Variants in DYNC1H1 observed in about 807,000 individuals in gnomAD.
DYNC1H1 encodes the protein cytoplasmic dynein 1 heavy chain 1.
DYNC1H1 carries 51 observed loss-of-function variants against 527.1 expected under a neutral mutation model. The observed-to-expected ratio is 0.10, with a 90% CI of 0.08 to 0.12. The LOEUF (loss-of-function observed/expected upper bound fraction) is 0.12, where lower values mean the gene tolerates loss of function less well. Among genes scored for constraint, DYNC1H1 ranks in the 10% least tolerant of loss-of-function variants. The pLI, the probability that DYNC1H1 is intolerant of heterozygous loss-of-function variation, is 1.00. For missense variants in DYNC1H1, 2,771 were observed against 5,971.8 expected (o/e 0.46, Z 17.66); for synonymous variants, 2,189 against 2,278.8 (o/e 0.96, Z 1.12).
rs537629716 is a variant in DYNC1H1 at position 102,041,032 on chromosome 14, G to T, written c.11941+359G>T. On this transcript the variant is annotated intron_variant, in intron 64 of 77. Coordinates refer to ENST00000360184, the MANE Select transcript of DYNC1H1 (RefSeq NM_001376.5). This position sits in a 1 kb window ranked among gnomAD's most constrained non-coding sequence, Gnocchi z 4.5. ...TTTAAGGAAACCACTTAGGGAGATC[G>T]CTTCTAGGTAGGTGTTGGCTTAGAA... 5.3e-6 allele frequency: 2 copies of T among 379,536 alleles called. No individual in the cohort carries two copies. Among genetic ancestry groups the T allele is most frequent in the Non-Finnish European group, 5.0e-6 (1 of 199,384 alleles). 23.5% of individuals were successfully genotyped at this position (379,536 alleles called of 1,614,324 possible). A position where few individuals can be genotyped will look rare whatever the true frequency, so the allele number is the denominator to read the frequency against.
chr14:102,010,510 A>G lies in DYNC1H1; in HGVS notation c.6405+51A>G. The G allele has an allele frequency of 6.3e-7, 1 of 1,597,820 alleles. No individual in the cohort carries two copies. On this transcript the variant is annotated intron_variant, in intron 31 of 77. Coordinates refer to ENST00000360184, the MANE Select transcript of DYNC1H1 (RefSeq NM_001376.5). This position sits in a 1 kb window ranked among gnomAD's most constrained non-coding sequence, Gnocchi z 6.0. ...CAAACCTTATACGTTATTTAAATTT[A>G]CCTTTTTAACATTTAAGCCATGACT... is the stretch of plus-strand genomic sequence containing the variant.
At position 101,985,127 on chromosome 14, in the gene DYNC1H1, G is replaced by T. The variant is rs1294138377; in HGVS notation, c.1462-560G>T. Among the ~76,000 whole-genome samples, 1 of 151,756 alleles carries T rather than the reference G, an allele frequency of 6.6e-6. No individual in the cohort carries two copies. The highest frequency in any genetic ancestry group is 2.4e-5 in the African/African-American group (1 of 41,296). On this transcript the variant is annotated intron_variant, in intron 7 of 77. Coordinates refer to ENST00000360184, the MANE Select transcript of DYNC1H1 (RefSeq NM_001376.5). The surrounding 1 kb of genome is among the most constrained non-coding windows in gnomAD (Gnocchi z 5.9). ...CTTCCTCCATCTTGGAAGGACCCTA[G>T]AGCCAGACTTCCTGGGTTTTAAATC...
In DYNC1H1 at chr14:102,018,303, C is replaced by G; in HGVS notation, c.8178-148C>G. Reference sequence around the variant, plus strand: ...CAAGCCTGAGCAGCGTGTGTGTGATCTCAGCTAACACTGATGTCAAGTCTG... The same window carrying G: ...CAAGCCTGAGCAGCGTGTGTGTGATGTCAGCTAACACTGATGTCAAGTCTG... On this transcript the variant is annotated intron_variant, in intron 40 of 77. Transcript: ENST00000360184. This position sits in a 1 kb window ranked among gnomAD's most constrained non-coding sequence, Gnocchi z 5.2. 1.8e-6 allele frequency: 2 copies of G among 1,117,538 alleles called. No homozygotes were observed. The highest frequency in any genetic ancestry group is 2.5e-6 in the Non-Finnish European group (2 of 786,382). 69.2% of individuals were successfully genotyped at this position (1,117,538 alleles called of 1,614,324 possible).
In DYNC1H1 at chr14:101,994,228, G is replaced by A; in HGVS notation, c.3060G>A (p.Arg1020=). 1 of 1,614,212 alleles carries A rather than the reference G, an allele frequency of 6.2e-7. No individual in the cohort carries two copies. The highest frequency in any genetic ancestry group is 8.5e-7 in the Non-Finnish European group (1 of 1,180,036). The change falls in exon 12 of 78, where the codon CGG becomes CGA. Residue 1020 remains arginine (R), a synonymous_variant. Coordinates refer to ENST00000360184, the MANE Select transcript of DYNC1H1 (RefSeq NM_001376.5). ...TGACTGAGGAAGAGAAATTCTATCGGAATGCTTTAACACGGATGCCTGATG... is the reference window on the plus strand; with the variant it reads ...TGACTGAGGAAGAGAAATTCTATCGAAATGCTTTAACACGGATGCCTGATG... ...YELTEEEKFY[R]NALTRMPDGP...
rs1351714097 is a variant in DYNC1H1, at chr14:102,017,267, C to G, written c.8028C>G (p.Thr2676=). 1 of 1,614,078 alleles carries G rather than the reference C, an allele frequency of 6.2e-7. No individual in the cohort carries two copies. Among genetic ancestry groups the G allele is most frequent in the Admixed American group, 1.7e-5 (1 of 60,000 alleles). Residue 2676 remains threonine (T), a synonymous_variant, in exon 39 of 78, where the codon ACC becomes ACG. Transcript: ENST00000360184. The surrounding 1 kb of genome is among the most constrained non-coding windows in gnomAD (Gnocchi z 4.6). ...TGCCAGATATGGATAAATATGGGAC[C>G]CAGAGGGTCATATCCTTCATCAGAC... ...INLPDMDKYG[T]QRVISFIRQM...
rs180670827 is a variant in DYNC1H1 at position 102,020,695 on chromosome 14, C to T, written c.8507+639C>T. The stretch of plus-strand genomic sequence containing the variant: ...AAAAAATTGCTAACGGATGACTGAT[C>T]GGCATCAACTGTGGAAGGTTTTGTG... On this transcript the variant is annotated intron_variant, in intron 42 of 77. Coordinates refer to ENST00000360184, the MANE Select transcript of DYNC1H1 (RefSeq NM_001376.5). This position sits in a 1 kb window ranked among gnomAD's most constrained non-coding sequence, Gnocchi z 4.3. Among the ~76,000 whole-genome samples, 77 of 152,274 alleles carry T rather than the reference C, an allele frequency of 5.1e-4. No individual in the cohort carries two copies. The highest frequency in any genetic ancestry group is 9.4e-4 in the Non-Finnish European group (64 of 68,028).
intron 74 of DYNC1H1, 33 bp downstream of exon 74, chr14:102,048,702 C>G: frequency 6.2e-7 from 1 of 1,604,414 alleles, no homozygotes; most frequent in Non-Finnish European, 8.5e-7. Context: ...GGTGTGGCTT[C>G]CGGCGGGCAC....
At chr14:102,024,692 CTTTTTTTT>C (rs541855664) in intron 43 of DYNC1H1, among the ~76,000 whole-genome samples, 2 of 109,512 alleles carry the variant, frequency 1.8e-5, no homozygotes, top group Non-Finnish European at 3.5e-5. Flanking sequence ...TTTTTTAACT[CTTTTTTTT>C]TTTTTTTTTT....
chr14:102,044,454 G>A lies in DYNC1H1; in HGVS notation c.12865G>A (p.Asp4289Asn), dbSNP rs368476290. 6.2e-6 allele frequency: 10 copies of A among 1,614,092 alleles called. No individual in the cohort carries two copies. Among genetic ancestry groups the A allele is most frequent in the African/African-American group, 4.0e-5 (3 of 74,944 alleles). Residue 4289 changes from aspartate (D) to asparagine (N), a missense_variant, in exon 71 of 78, where the codon GAC (aspartate) becomes AAC (asparagine). Around this residue, in one of 32 missense-constraint regions of DYNC1H1, gnomAD observed 195 missense variants for 428.6 expected, o/e 0.45. Coordinates refer to ENST00000360184, the MANE Select transcript of DYNC1H1 (RefSeq NM_001376.5). The surrounding 1 kb of genome is among the most constrained non-coding windows in gnomAD (Gnocchi z 7.1). ...DSEFKLACKVDGHKDIQMPDG... is the reference protein window; with the variant it reads ...DSEFKLACKVNGHKDIQMPDG... Reference sequence around the variant, plus strand: ...TGAGTTTAAGCTGGCATGCAAGGTCGACGGACATAAAGACATTCAAATGCC... The same window carrying A: ...TGAGTTTAAGCTGGCATGCAAGGTCAACGGACATAAAGACATTCAAATGCC...
chr14:102,024,692 CTT>C (rs541855664), intron 43 of DYNC1H1, among the ~76,000 whole-genome samples: 18,185 of 108,932 alleles, frequency 0.17, 1,536 homozygotes, highest in African/African-American at 0.34. Context: ...TTTTTTAACT[CTT>C]TTTTTTTTTT....
intron 1 of DYNC1H1, among the ~76,000 whole-genome samples, chr14:101,967,808 A>G (rs901220061): frequency 6.6e-6 from 1 of 152,230 alleles, no homozygotes; most frequent in African/African-American, 2.4e-5. Flanking sequence ...GCCTGGGTAC[A>G]GAGTGAGACC....
At chr14:102,031,654 A>T (rs2048511971) in intron 51 of DYNC1H1, among the ~76,000 whole-genome samples, 1 of 151,688 alleles carries the variant, frequency 6.6e-6, no homozygotes, top group South Asian at 2.1e-4. Context: ...TTTGTAAAAT[A>T]TTTTTTTAAA....
chr14:102,037,804 T>A (rs2048595422), intron 57 of DYNC1H1: 1 of 154,422 alleles, frequency 6.5e-6, no homozygotes, highest in Non-Finnish European at 1.4e-5. Flanking sequence ...GCATCAGATT[T>A]GCAACGAGAT....
chr14:101,970,467 G>GTT (rs1369451236), intron 1 of DYNC1H1, among the ~76,000 whole-genome samples: 4 of 103,570 alleles, frequency 3.9e-5, no homozygotes, highest in Admixed American at 9.4e-5. Context: ...TGTTTGGTTT[G>GTT]TTGTTGTTTT....
At position 102,015,445 on chromosome 14, in the gene DYNC1H1, C is replaced by T. The variant is rs541653589; in HGVS notation, c.7242+113C>T. On this transcript the variant is annotated intron_variant, in intron 35 of 77. Coordinates refer to ENST00000360184, the MANE Select transcript of DYNC1H1 (RefSeq NM_001376.5). This position sits in a 1 kb window ranked among gnomAD's most constrained non-coding sequence, Gnocchi z 6.9. ...GAACTCCTGGGCCCAAGCAATCCAC[C>T]TGCCTTGGCCTCTCAAAGTGCTGGG... 4 of 1,232,472 alleles carry T rather than the reference C, an allele frequency of 3.2e-6. No individual in the cohort carries two copies. Among genetic ancestry groups the T allele is most frequent in the East Asian group, 5.1e-5 (2 of 39,242 alleles). The allele number at this position is 1,232,472 out of a possible 1,614,324, so 76.3% of individuals were successfully genotyped here.
At chr14:101,980,010 T>G (rs1251218949) in intron 4 of DYNC1H1, 36 bp downstream of exon 4, 1 of 1,613,724 alleles carries the variant, frequency 6.2e-7, no homozygotes, top group Admixed American at 1.7e-5. Context: ...GTAAAATATG[T>G]TACTCTTTAA....
Position 102,017,344 on chromosome 14 carries a change from A to C in DYNC1H1, c.8056-39A>C, listed in dbSNP as rs1341757379. 6.2e-7 allele frequency: 1 copy of C among 1,614,188 alleles called. No homozygotes were observed. The highest frequency in any genetic ancestry group is 8.5e-7 in the Non-Finnish European group (1 of 1,180,032). ...TCCTGCCCCACAATGTTTCTTGTTC[A>C]AGTTTTGCTCTTAATGTGGTACCTG... On this transcript the variant is annotated intron_variant, in intron 39 of 77. Transcript: ENST00000360184. This position sits in a 1 kb window ranked among gnomAD's most constrained non-coding sequence, Gnocchi z 4.6.
rs1369409012 is a variant in DYNC1H1, at chr14:102,002,744, G to A, written c.4709+41G>A. Reference sequence around the variant, plus strand: ...AGAGAGCCAAATTTGCCAGCGGCTAGTGACTACTCTACACAAAGGCTGACG... The same window carrying A: ...AGAGAGCCAAATTTGCCAGCGGCTAATGACTACTCTACACAAAGGCTGACG... On this transcript the variant is annotated intron_variant, in intron 22 of 77. Transcript: ENST00000360184. This position sits in a 1 kb window ranked among gnomAD's most constrained non-coding sequence, Gnocchi z 4.4. 6.2e-7 allele frequency: 1 copy of A among 1,614,220 alleles called. No individual in the cohort carries two copies. Among genetic ancestry groups the A allele is most frequent in the South Asian group, 1.1e-5 (1 of 91,082 alleles).
In DYNC1H1 at chr14:102,039,399, T is replaced by C. The variant is rs376157572; in HGVS notation, c.11461-13T>C. Reference sequence around the variant, plus strand: ...AGGGAGCTGCCTCACCGCTGCCCACTGCTTCCTTTCAGATACACTTCTTGT... The same window carrying C: ...AGGGAGCTGCCTCACCGCTGCCCACCGCTTCCTTTCAGATACACTTCTTGT... On this transcript the variant is annotated splice_polypyrimidine_tract_variant and intron_variant, in intron 60 of 77. Transcript: ENST00000360184. This position sits in a 1 kb window ranked among gnomAD's most constrained non-coding sequence, Gnocchi z 7.0. The C allele has an allele frequency of 1.9e-6, 3 of 1,614,248 alleles. No individual in the cohort carries two copies. The highest frequency in any genetic ancestry group is 2.5e-6 in the Non-Finnish European group (3 of 1,180,048).
Sources: gnomAD v4.1 joint callset for allele counts (sites outside exome capture counted in the v4.1 genomes callset) on GRCh38, gnomAD v4.1.1 for gene constraint, gnomAD v4.1.1 regional missense constraint, Gnocchi (gnomAD v3.1) non-coding constraint, MANE v1.5 for transcripts, NCBI Gene and HGNC (gene_info 2026-07-23, HGNC 2026-07-21) for gene names.